FOXP1: variants seen among roughly 807,000 people sequenced by gnomAD.
FOXP1 encodes the protein forkhead box protein P1.
FOXP1 carries 15 observed loss-of-function variants against 98.2 expected under a neutral mutation model. The observed-to-expected ratio is 0.15, with a 90% CI of 0.10 to 0.24. FOXP1 has a LOEUF of 0.24. Ranked by LOEUF, FOXP1 falls within the 10% of genes least tolerant of loss-of-function variation. The pLI is 1.00. For synonymous variants in FOXP1, 371 were observed against 314.5 expected, an observed-to-expected ratio of 1.18 and a Z score of -1.90; for missense variants, 633 against 848.5, an observed-to-expected ratio of 0.75 and a Z score of 3.15.
rs113435411 is a variant in FOXP1 at position 71,583,455 on chromosome 3, TTC to T, written c.-447+114_-447+115del. On this transcript the variant is annotated intron_variant, in intron 1 of 20. Transcript: ENST00000649528. The stretch of plus-strand genomic sequence containing the variant: ...TTTTTTTTCCATTTTTTTTCTCTTT[TTC>T]TTTCTTTCTTTTTTTTTTTTTGTGC... The T allele has an allele frequency of 2.5e-3, 2,424 of 978,476 alleles. 42 individuals carry two copies. In the African/African-American group the frequency reaches 0.039, roughly 16 times the overall value. The allele number at this position is 978,476 out of a possible 1,614,324, so 60.6% of individuals were successfully genotyped here. A position where few individuals can be genotyped will look rare whatever the true frequency, so the allele number is the denominator to read the frequency against.
intron 11 of FOXP1, among the ~76,000 whole-genome samples, chr3:71,016,618 G>T (rs1000832843): frequency 6.7e-6 from 1 of 150,310 alleles, no homozygotes; most frequent in Admixed American, 6.7e-5. Flanking sequence ...GTCTCTGCCT[G>T]ACTTTGAACT....
At chr3:71,482,550 G>A (rs1430352221) in intron 3 of FOXP1, among the ~76,000 whole-genome samples, 4 of 151,638 alleles carry the variant, frequency 2.6e-5, no homozygotes, top group African/African-American at 4.8e-5. Context: ...ACAGCTGTGC[G>A]CCACCATGCC....
rs1553648184 is a variant in FOXP1, at chr3:70,955,832, G to GCGCACA, written c.*3414_*3415insTGTGCG. ...AACAGATTAACACACACGCACGCGCGCACACACACACACACACACACACAA... is the reference window on the plus strand; with the variant it reads ...AACAGATTAACACACACGCACGCGCGCGCACACACACACACACACACACACACACAA... On this transcript the variant is annotated 3_prime_UTR_variant, in exon 21 of 21. Coordinates refer to ENST00000649528, the MANE Select transcript of FOXP1 (RefSeq NM_001349338.3). The GCGCACA allele has an allele frequency of 3.3e-3, 733 of 221,612 alleles. 5 individuals are homozygous for GCGCACA. Among genetic ancestry groups the GCGCACA allele is most frequent in the African/African-American group, 0.015 (671 of 44,202 alleles). The allele number at this position is 221,612 out of a possible 1,614,324, so 13.7% of individuals were successfully genotyped here. A position where few individuals can be genotyped will look rare whatever the true frequency, so the allele number is the denominator to read the frequency against.
intron 16 of FOXP1, 66 bp from the exon 17 acceptor site, chr3:70,977,108 T>C: frequency 9.4e-7 from 1 of 1,065,404 alleles, no homozygotes; most frequent in Non-Finnish European, 1.5e-6. Context: ...TTCCACAGTT[T>C]CTCGAAAATA....
chr3:71,035,983 A>G (rs2047526310), intron 11 of FOXP1, among the ~76,000 whole-genome samples: 1 of 152,218 alleles, frequency 6.6e-6, no homozygotes, highest in East Asian at 1.9e-4. Flanking sequence ...AGTTTAAAAA[A>G]GAAAAAAAAA....
intron 3 of FOXP1, among the ~76,000 whole-genome samples, chr3:71,363,360 A>G (rs1435759423): frequency 6.6e-6 from 1 of 152,224 alleles, no homozygotes; most frequent in Non-Finnish European, 1.5e-5. Flanking sequence ...GAGTACACGT[A>G]GATCACTTTG....
chr3:71,370,670 G>C (rs1032127810), intron 3 of FOXP1, among the ~76,000 whole-genome samples: 1 of 152,024 alleles, frequency 6.6e-6, no homozygotes, highest in African/African-American at 2.4e-5. Flanking sequence ...TAAGTCCCAA[G>C]TCTTTTCTGC....
At chr3:71,542,673 G>C (rs2044956746) in intron 2 of FOXP1, among the ~76,000 whole-genome samples, 1 of 152,236 alleles carries the variant, frequency 6.6e-6, no homozygotes, top group Non-Finnish European at 1.5e-5. Context: ...AAGTGTGGCA[G>C]ACACACAGAG....
intron 3 of FOXP1, among the ~76,000 whole-genome samples, chr3:71,454,269 T>G (rs1372905582): frequency 6.6e-6 from 1 of 152,128 alleles, no homozygotes; most frequent in Non-Finnish European, 1.5e-5. Flanking sequence ...TGATCAGAGC[T>G]AGGGTCGCCG....
chr3:70,998,561 C>T (rs186274983), intron 13 of FOXP1, among the ~76,000 whole-genome samples: 4 of 152,210 alleles, frequency 2.6e-5, no homozygotes, highest in Admixed American at 2.0e-4. Flanking sequence ...GCAAACTCCC[C>T]GACAAAAACA....
intron 6 of FOXP1, among the ~76,000 whole-genome samples, chr3:71,191,269 C>T (rs2062963003): frequency 6.6e-6 from 1 of 152,234 alleles, no homozygotes; most frequent in Non-Finnish European, 1.5e-5. Context: ...ATCACTGAAA[C>T]TAATCTGTCA....
intron 14 of FOXP1, among the ~76,000 whole-genome samples, chr3:70,981,955 C>A (rs1303001635): frequency 6.6e-6 from 1 of 152,126 alleles, no homozygotes; most frequent in Non-Finnish European, 1.5e-5. Context: ...AAGGCTGAAC[C>A]AACAAGTTAA....
At chr3:71,416,065 T>C (rs1281515179) in intron 3 of FOXP1, among the ~76,000 whole-genome samples, 1 of 152,170 alleles carries the variant, frequency 6.6e-6, no homozygotes, top group Non-Finnish European at 1.5e-5. Context: ...CCAGGTATTG[T>C]ACTCAGAGAC....
intron 19 of FOXP1, chr3:70,970,049 C>T (rs1650727837): frequency 6.6e-6 from 1 of 152,322 alleles, no homozygotes; most frequent in Non-Finnish European, 1.5e-5. Context: ...TCAGGTAGCT[C>T]CTTTTTGGGT....
chr3:71,215,704 G>A (rs2064863352), intron 5 of FOXP1, among the ~76,000 whole-genome samples: 1 of 152,142 alleles, frequency 6.6e-6, no homozygotes. Context: ...GCTATATGAG[G>A]ACTATAACAT....
chr3:71,068,623 CT>C (rs1250540522), intron 7 of FOXP1, among the ~76,000 whole-genome samples: 8 of 152,212 alleles, frequency 5.3e-5, no homozygotes, highest in African/African-American at 1.7e-4. Flanking sequence ...TTGCTGTCTT[CT>C]TCTGAACAAC....
chr3:71,097,049 G>C (rs990918942), intron 7 of FOXP1, among the ~76,000 whole-genome samples: 4 of 152,134 alleles, frequency 2.6e-5, no homozygotes, highest in Non-Finnish European at 5.9e-5. Flanking sequence ...GGTACACTGG[G>C]ATAAACAATT....
At chr3:71,344,504 T>C (rs926517097) in intron 4 of FOXP1, among the ~76,000 whole-genome samples, 2 of 152,180 alleles carry the variant, frequency 1.3e-5, no homozygotes, top group African/African-American at 4.8e-5. Flanking sequence ...TCCATTTTAA[T>C]ACCCGGATTT....
intron 2 of FOXP1, among the ~76,000 whole-genome samples, chr3:71,579,136 A>ATTATTT (rs1423786523): frequency 1.3e-5 from 2 of 152,090 alleles, no homozygotes. Flanking sequence ...TTAAATGACA[A>ATTATTT]TTATTTTTAT....
Sources: gnomAD v4.1 joint callset for allele counts (sites outside exome capture counted in the v4.1 genomes callset) on GRCh38, gnomAD v4.1.1 for gene constraint, MANE v1.5 for transcripts, NCBI Gene and HGNC (gene_info 2026-07-23, HGNC 2026-07-21) for gene names.